HSD17B2: variants seen among roughly 807,000 people sequenced by gnomAD.
HSD17B2 encodes the protein hydroxysteroid 17-beta dehydrogenase 2.
In HSD17B2, 32 loss-of-function variants were observed where a neutral mutation model predicts 26.9. The observed-to-expected ratio is 1.19, with a 90% CI of 0.90 to 1.60. The LOEUF is 1.60. Among genes scored for constraint, HSD17B2 ranks in the 40% most tolerant of loss-of-function variants. HSD17B2 has a pLI of 0.00. For missense variants in HSD17B2, 613 were observed against 468.6 expected, an observed-to-expected ratio of 1.31 and a Z score of -2.85; for synonymous variants, 246 against 186.7, an observed-to-expected ratio of 1.32 and a Z score of -2.59.
In HSD17B2 at chr16:82,035,474, C is replaced by T. The variant is rs753561019; in HGVS notation, c.50C>T (p.Thr17Ile). 2 of 1,613,888 alleles carry T rather than the reference C, an allele frequency of 1.2e-6. No homozygotes were observed. Among genetic ancestry groups the T allele is most frequent in the South Asian group, 1.1e-5 (1 of 91,078 alleles). The part of the protein sequence containing the change: ...DTAWICLAVP[T>I]VLCGTVFCKY... ...GCATGGATCTGCCTGGCTGTCCCCA[C>T]AGTACTATGTGGGACAGTATTTTGC... Residue 17 changes from threonine to isoleucine, a missense_variant, in exon 1 of 5, where the codon ACA becomes ATA. Transcript: ENST00000199936.
At chr16:82,048,287 C>A (rs946232059) in intron 1 of HSD17B2, among the ~76,000 whole-genome samples, 2 of 151,984 alleles carry the variant, frequency 1.3e-5, no homozygotes, top group African/African-American at 4.8e-5. Context: ...TGTAGGGTTC[C>A]AAGGAAAATA....
intron 3 of HSD17B2, among the ~76,000 whole-genome samples, chr16:82,078,021 C>A (rs534496468): frequency 6.6e-6 from 1 of 152,212 alleles, no homozygotes; most frequent in Admixed American, 6.5e-5. Context: ...CCAACAAGCA[C>A]AGGCAAATGA....
At chr16:82,085,352 G>T (rs1243336273) in intron 3 of HSD17B2, among the ~76,000 whole-genome samples, 1 of 152,176 alleles carries the variant, frequency 6.6e-6, no homozygotes, top group Non-Finnish European at 1.5e-5. Flanking sequence ...ACCTCCTCAT[G>T]CTGGGTTGTG....
chr16:82,053,037 T>C (rs1914155774), intron 1 of HSD17B2, among the ~76,000 whole-genome samples: 1 of 152,230 alleles, frequency 6.6e-6, no homozygotes, highest in African/African-American at 2.4e-5. Flanking sequence ...TATCTAGACC[T>C]AATTACCTCC....
chr16:82,053,747 T>C (rs1914180937), intron 1 of HSD17B2, among the ~76,000 whole-genome samples: 1 of 152,174 alleles, frequency 6.6e-6, no homozygotes, highest in South Asian at 2.1e-4. Flanking sequence ...GAGAAGACTT[T>C]GTGTGCTGCT....
chr16:82,090,302 GTTTTTTTTTTTTTTTTTTTTTT>G (rs35272646), intron 3 of HSD17B2: 13 of 40,080 alleles, frequency 3.2e-4, no homozygotes, highest in Admixed American at 7.8e-4. Context: ...AAACTACATT[GTTTTTTTTTTTTTTTTTTTTTT>G]TTTTTTTTTT....
At chr16:82,050,679 A>G (rs1914080883) in intron 1 of HSD17B2, among the ~76,000 whole-genome samples, 1 of 152,286 alleles carries the variant, frequency 6.6e-6, no homozygotes, top group South Asian at 2.1e-4. Context: ...ACCAAGCTCT[A>G]AAGTCTTTCC....
intron 3 of HSD17B2, among the ~76,000 whole-genome samples, chr16:82,089,009 A>G (rs1258987675): frequency 6.6e-6 from 1 of 152,158 alleles, no homozygotes; most frequent in African/African-American, 2.4e-5. Context: ...AATCCCTCTC[A>G]TCATGAAGGC....
At chr16:82,055,495 A>G (rs1464431492) in intron 1 of HSD17B2, among the ~76,000 whole-genome samples, 7 of 152,200 alleles carry the variant, frequency 4.6e-5, no homozygotes, top group African/African-American at 4.8e-5. Context: ...ACAAAGAGCT[A>G]TTGAAAGAAT....
intron 3 of HSD17B2, among the ~76,000 whole-genome samples, chr16:82,081,931 T>C (rs533374535): frequency 6.6e-6 from 1 of 152,092 alleles, no homozygotes. Context: ...AGGAATGAGA[T>C]CATATCCTTT....
chr16:82,076,669 G>C (rs766182565), intron 3 of HSD17B2, among the ~76,000 whole-genome samples: 3 of 152,202 alleles, frequency 2.0e-5, no homozygotes, highest in Admixed American at 6.5e-5. Context: ...CCACCTCCTG[G>C]ATTTAGGTGA....
At position 82,083,582 on chromosome 16, in the gene HSD17B2, G is replaced by C. The variant is rs115049429; in HGVS notation, c.665-7320G>C. Among the ~76,000 whole-genome samples, 573 of 152,248 alleles carry C rather than the reference G, an allele frequency of 3.8e-3. 5 individuals are homozygous for C. The highest frequency in any genetic ancestry group is 0.013 in the African/African-American group (558 of 41,534). ...TCTTGTGCTTGGCATGCAGTGAATG[G>C]TCCAGTAGCATTAGCGACCCAAAAA... is the stretch of plus-strand genomic sequence containing the variant. On this transcript the variant is annotated intron_variant, in intron 3 of 4. Transcript: ENST00000199936.
chr16:82,055,188 T>C (rs193000546), intron 1 of HSD17B2, among the ~76,000 whole-genome samples: 28 of 152,366 alleles, frequency 1.8e-4, no homozygotes, highest in Non-Finnish European at 1.9e-4. Context: ...TTATTCTCTT[T>C]GATTGTTCTG....
chr16:82,049,782 G>A (rs913041115), intron 1 of HSD17B2, among the ~76,000 whole-genome samples: 1 of 152,242 alleles, frequency 6.6e-6, no homozygotes, highest in Non-Finnish European at 1.5e-5. Flanking sequence ...AAGCAGCAGA[G>A]ATGGAATTTT....
At chr16:82,070,733 C>G (rs1031916001) in intron 2 of HSD17B2, 10 of 581,268 alleles carry the variant, frequency 1.7e-5, no homozygotes, top group East Asian at 2.8e-5. Context: ...TACTTTACAT[C>G]TCTGCACATC....
chr16:82,064,273 C>T (rs918085418), intron 1 of HSD17B2, among the ~76,000 whole-genome samples: 3 of 152,192 alleles, frequency 2.0e-5, no homozygotes, highest in South Asian at 2.1e-4. Flanking sequence ...ATCCCTTTAC[C>T]TGCCACGCTG....
chr16:82,071,568 A>G (rs1034650193), intron 3 of HSD17B2: 3 of 302,276 alleles, frequency 9.9e-6, no homozygotes, highest in Admixed American at 4.8e-5. Flanking sequence ...GCTGCCTGCT[A>G]TTGTTAACCC....
At chr16:82,094,994 G>C (rs1367402304) in intron 4 of HSD17B2, 2 of 152,216 alleles carry the variant, frequency 1.3e-5, no homozygotes, top group Non-Finnish European at 2.9e-5. Flanking sequence ...CAGCACCAAA[G>C]TGGCATGGGA....
Position 82,053,916 on chromosome 16 carries a change from T to C in HSD17B2, c.266-14254T>C, listed in dbSNP as rs1914186065. Among the ~76,000 whole-genome samples, 4 of 152,220 alleles carry C rather than the reference T, an allele frequency of 2.6e-5. 1 individual carries two copies. The South Asian group carries it at 8.3e-4, about 32-fold the overall frequency. ...ATAGATAGAAGTTCATTATCAGTTT[T>C]ATTTAATAAGCAGTTGTTCCTGATA... On this transcript the variant is annotated intron_variant, in intron 1 of 4. Coordinates refer to ENST00000199936, the MANE Select transcript of HSD17B2 (RefSeq NM_002153.3).
Sources: gnomAD v4.1 joint callset for allele counts (sites outside exome capture counted in the v4.1 genomes callset) on GRCh38, gnomAD v4.1.1 for gene constraint, MANE v1.5 for transcripts, NCBI Gene and HGNC (gene_info 2026-07-23, HGNC 2026-07-21) for gene names.